Variants in TDRD3 observed in about 807,000 individuals in gnomAD.
TDRD3 encodes the protein tudor domain-containing protein 3.
A neutral mutation model predicts 86.7 loss-of-function variants in TDRD3; 45 were observed. That is an observed-to-expected ratio of 0.52 (90% CI 0.41 to 0.67). The LOEUF (loss-of-function observed/expected upper bound fraction) is 0.67, where lower values mean the gene tolerates loss of function less well. Ranked by LOEUF, TDRD3 falls within the 30% of genes least tolerant of loss-of-function variation. The pLI is 0.00. For synonymous variants in TDRD3, 298 were observed against 301.7 expected (o/e 0.99, Z 0.13); for missense variants, 814 against 889.0 (o/e 0.92, Z 1.07).
intron 10 of TDRD3, among the ~76,000 whole-genome samples, chr13:60,512,168 T>C (rs1205308425): frequency 6.6e-6 from 1 of 152,128 alleles, no homozygotes; most frequent in South Asian, 2.1e-4. Context: ...AAGTCACTTA[T>C]TATGTAGGTG....
intron 3 of TDRD3, among the ~76,000 whole-genome samples, chr13:60,445,428 CTTTG>C (rs1955376451): frequency 2.0e-5 from 3 of 152,108 alleles, no homozygotes; most frequent in Admixed American, 2.0e-4. Context: ...ATCTTGATTC[CTTTG>C]TTTATTTTAG....
intron 1 of TDRD3, among the ~76,000 whole-genome samples, chr13:60,419,101 T>G (rs1412152893): frequency 2.6e-5 from 4 of 152,250 alleles, no homozygotes; most frequent in Non-Finnish European, 5.9e-5. Flanking sequence ...GGCACATTTT[T>G]GTTTAACTTT....
chr13:60,561,370 T>A (rs1002111575), intron 12 of TDRD3, among the ~76,000 whole-genome samples: 1 of 152,170 alleles, frequency 6.6e-6, no homozygotes, highest in Non-Finnish European at 1.5e-5. Context: ...ATCAAATCAC[T>A]CCACCCAATT....
At chr13:60,433,245 CT>C (rs1255904165) in intron 1 of TDRD3, among the ~76,000 whole-genome samples, 32 of 152,276 alleles carry the variant, frequency 2.1e-4, no homozygotes, top group African/African-American at 6.3e-4. Context: ...GAGAATAAAA[CT>C]TTAATGTTTG....
chr13:60,501,906 G>T (rs1362393079), intron 8 of TDRD3, among the ~76,000 whole-genome samples: 3 of 151,974 alleles, frequency 2.0e-5, no homozygotes, highest in African/African-American at 7.3e-5. Context: ...TTTTTTGTTG[G>T]TAACTATTAT....
chr13:60,494,718 A>AT, intron 8 of TDRD3, 143 bp downstream of exon 8: 1 of 660,136 alleles, frequency 1.5e-6, no homozygotes, highest in Non-Finnish European at 2.2e-6. Flanking sequence ...AAGGATTACA[A>AT]TTAAATCATT....
At chr13:60,567,817 A>G (rs528660290) in intron 13 of TDRD3, among the ~76,000 whole-genome samples, 167 bp downstream of exon 13, 24 of 151,884 alleles carry the variant, frequency 1.6e-4, no homozygotes, top group African/African-American at 5.6e-4. Flanking sequence ...TCTGCCTCCC[A>G]GGTTCAAGCG....
At chr13:60,444,814 G>A (rs905770884) in intron 3 of TDRD3, 66 bp downstream of exon 3, 3 of 974,030 alleles carry the variant, frequency 3.1e-6, no homozygotes, top group African/African-American at 3.4e-5. Flanking sequence ...CTAAATTACT[G>A]GAATTACTTT....
chr13:60,566,927 A>G (rs1018659469), intron 12 of TDRD3, among the ~76,000 whole-genome samples: 4 of 152,100 alleles, frequency 2.6e-5, no homozygotes, highest in Admixed American at 2.0e-4. Flanking sequence ...TGATCTCTCT[A>G]TCTTGCATGA....
At chr13:60,501,347 T>A (rs1352555607) in intron 8 of TDRD3, among the ~76,000 whole-genome samples, 3 of 152,216 alleles carry the variant, frequency 2.0e-5, no homozygotes, top group Non-Finnish European at 2.9e-5. Context: ...CATGCATTGT[T>A]CTGTCTACAG....
chr13:60,507,959 A>G (rs893875260), intron 8 of TDRD3, among the ~76,000 whole-genome samples: 9 of 152,206 alleles, frequency 5.9e-5, no homozygotes, highest in African/African-American at 2.2e-4. Flanking sequence ...AAAAATCACA[A>G]GCATTCCTAT....
At chr13:60,397,611 G>T (rs997623595) in intron 1 of TDRD3, among the ~76,000 whole-genome samples, 33 of 146,426 alleles carry the variant, frequency 2.3e-4, no homozygotes, top group African/African-American at 7.6e-4. Flanking sequence ...GGCGGCGGCG[G>T]CGGCGGCCTG....
At chr13:60,481,333 T>C (rs1956311416) in intron 5 of TDRD3, among the ~76,000 whole-genome samples, 1 of 150,230 alleles carries the variant, frequency 6.7e-6, no homozygotes, top group Admixed American at 6.7e-5. Flanking sequence ...ATGTATTTTT[T>C]CTCTTCCCTC....
upstream of TDRD3, among the ~76,000 whole-genome samples, chr13:60,396,082 T>G (rs1324140178): frequency 1.3e-5 from 2 of 152,166 alleles, no homozygotes; most frequent in Non-Finnish European, 2.9e-5. Flanking sequence ...CTTCCGTAAC[T>G]GCCAATTTCC....
rs1953945705 is a variant in TDRD3, at chr13:60,397,324, CCCACCCCAGCCCCCCA to C, written c.-33_-18del. ...TCAAGTAGGAGGCCTCCCCATCACC[CCCACCCCAGCCCCCCA>C]CCACCCCCGGCCTAAGCAGCTACCA... On this transcript the variant is annotated 5_prime_UTR_variant, in exon 1 of 14. It removes the in-frame stop codon of an upstream open reading frame in the 5' UTR. Coordinates refer to ENST00000377881, the MANE Select transcript of TDRD3 (RefSeq NM_001146070.2). The C allele has an allele frequency of 6.2e-6, 8 of 1,294,750 alleles. No homozygotes were observed. Among genetic ancestry groups the C allele is most frequent in the Non-Finnish European group, 8.2e-6 (8 of 972,476 alleles). 80.2% of individuals were successfully genotyped at this position (1,294,750 alleles called of 1,614,324 possible).
intron 12 of TDRD3, among the ~76,000 whole-genome samples, chr13:60,561,680 T>A: frequency 6.6e-6 from 1 of 152,204 alleles, no homozygotes; most frequent in East Asian, 1.9e-4. Flanking sequence ...CCTGTATTCC[T>A]TACCCTCATT....
At chr13:60,427,998 G>C (rs1001119886) in intron 1 of TDRD3, among the ~76,000 whole-genome samples, 3 of 151,962 alleles carry the variant, frequency 2.0e-5, no homozygotes, top group Admixed American at 2.0e-4. Flanking sequence ...AATGTCTTTG[G>C]AGCTGTTCTC....
At chr13:60,497,030 G>C (rs907404189) in intron 8 of TDRD3, among the ~76,000 whole-genome samples, 2 of 152,176 alleles carry the variant, frequency 1.3e-5, no homozygotes, top group Admixed American at 1.3e-4. Context: ...AGGACGAACC[G>C]GGGACTTAGC....
chr13:60,567,539 C>G lies in TDRD3; in HGVS notation c.2133C>G (p.Thr711=), dbSNP rs763932359. ...IQTEAWEEEG[T]YDQTLEFRRG... is the part of the protein sequence containing the mutation. ...TTTGCAAATAGGAGGAAGAAGGCAC[C>G]TACGATCAAACTCTGGAGTTCCGTA... Residue 711 remains threonine (T), a synonymous_variant, in exon 13 of 14, where the codon ACC becomes ACG. Coordinates refer to ENST00000377881, the MANE Select transcript of TDRD3 (RefSeq NM_001146070.2). The G allele has an allele frequency of 6.2e-7, 1 of 1,614,082 alleles. No individual in the cohort carries two copies. The highest frequency in any genetic ancestry group is 1.1e-5 in the South Asian group (1 of 91,082).
Sources: gnomAD v4.1 joint callset for allele counts (sites outside exome capture counted in the v4.1 genomes callset) on GRCh38, gnomAD v4.1.1 for gene constraint, MANE v1.5 for transcripts, NCBI Gene and HGNC (gene_info 2026-07-23, HGNC 2026-07-21) for gene names.